The following CNBD1 variants were observed in gnomAD, a reference collection of about 807,000 sequenced individuals.
The protein encoded by CNBD1 is cyclic nucleotide binding domain containing 1, also known as cyclic nucleotide-binding domain-containing protein 1.
A neutral mutation model predicts 54.4 loss-of-function variants in CNBD1; 71 were observed. That is an observed-to-expected ratio of 1.30 (90% confidence interval 1.08 to 1.59). The LOEUF (loss-of-function observed/expected upper bound fraction) is 1.59, where lower values mean the gene tolerates loss of function less well. Ranked by LOEUF, CNBD1 falls within the 40% of genes most tolerant of loss-of-function variation. CNBD1 has a pLI of 0.00. For synonymous variants in CNBD1, 182 were observed against 170.7 expected, an observed-to-expected ratio of 1.07 and a Z score of -0.51; for missense variants, 659 against 518.0, an observed-to-expected ratio of 1.27 and a Z score of -2.64.
chr8:87,112,970 A>G (rs1811695084), intron 4 of CNBD1, among the ~76,000 whole-genome samples: 2 of 152,170 alleles, frequency 1.3e-5, no homozygotes, highest in Non-Finnish European at 2.9e-5. Context: ...ATGGGGGAAG[A>G]AGCTAGGACA....
At chr8:87,354,318 T>A (rs1810374596) in intron 10 of CNBD1, among the ~76,000 whole-genome samples, 1 of 152,148 alleles carries the variant, frequency 6.6e-6, no homozygotes, top group Non-Finnish European at 1.5e-5. Context: ...GAAATATTTA[T>A]GGTAAGCATT....
chr8:87,010,854 A>G (rs1236591793), intron 4 of CNBD1, among the ~76,000 whole-genome samples: 2 of 152,130 alleles, frequency 1.3e-5, no homozygotes, highest in Admixed American at 6.5e-5. Context: ...GAAACTTCCA[A>G]TGTCTGATTT....
chr8:86,969,161 TC>T (rs1254311602), intron 4 of CNBD1, among the ~76,000 whole-genome samples: 1 of 152,204 alleles, frequency 6.6e-6, no homozygotes, highest in Non-Finnish European at 1.5e-5. Flanking sequence ...CTGTTTTTTT[TC>T]TCTGCATTTT....
chr8:87,142,563 C>T (rs1812391835), intron 4 of CNBD1, among the ~76,000 whole-genome samples: 1 of 151,954 alleles, frequency 6.6e-6, no homozygotes, highest in Non-Finnish European at 1.5e-5. Context: ...AGAAATAAAA[C>T]ATAAAACATA....
chr8:87,293,603 C>T (rs983004441), intron 8 of CNBD1, among the ~76,000 whole-genome samples: 7 of 152,072 alleles, frequency 4.6e-5, no homozygotes, highest in African/African-American at 1.7e-4. Flanking sequence ...CACTGTACTC[C>T]TTACTATGTA....
At chr8:87,411,391 CTATATCATATATATATATATATA>C (rs1807738876) in intron 2 of CNBD1, among the ~76,000 whole-genome samples, 1 of 44,992 alleles carries the variant, frequency 2.2e-5, no homozygotes, top group South Asian at 9.6e-4. Flanking sequence ...ATTAACCTAG[CTATATCATATATATATATATATA>C]TATATATATA....
At position 87,092,469 on chromosome 8, in the gene CNBD1, G is replaced by A. The variant is rs144603291; in HGVS notation, c.432-113524G>A. 3.2e-3 allele frequency among the ~76,000 whole-genome samples: 467 copies of A among 144,830 alleles called. 10 individuals carry two copies. Among genetic ancestry groups the A allele is most frequent in the African/African-American group, 0.011 (434 of 38,534 alleles). ...TATATATACACATATGTGTGTGTGT[G>A]TATATATATACACATATGTGTGTGT... On this transcript the variant is annotated intron_variant, in intron 4 of 10. Coordinates refer to ENST00000518476, the MANE Select transcript of CNBD1 (RefSeq NM_173538.3).
At chr8:87,343,393 G>A (rs1196162774) in intron 8 of CNBD1, among the ~76,000 whole-genome samples, 1 of 152,186 alleles carries the variant, frequency 6.6e-6, no homozygotes, top group Non-Finnish European at 1.5e-5. Context: ...AGTGATTAAA[G>A]ACAGGCGTAA....
intron 1 of CNBD1, among the ~76,000 whole-genome samples, chr8:86,880,136 A>C (rs950233291): frequency 9.9e-5 from 15 of 152,136 alleles, no homozygotes; most frequent in African/African-American, 2.9e-4. Context: ...AGATTCAAAG[A>C]GAACCTGAAA....
At chr8:87,150,224 G>T (rs140564020) in intron 4 of CNBD1, among the ~76,000 whole-genome samples, 126 of 152,044 alleles carry the variant, frequency 8.3e-4, no homozygotes, top group African/African-American at 2.8e-3. Flanking sequence ...AAACAGCTTT[G>T]TAGGATGGAA....
At chr8:87,055,131 T>G (rs1789038572) in intron 4 of CNBD1, among the ~76,000 whole-genome samples, 1 of 152,190 alleles carries the variant, frequency 6.6e-6, no homozygotes, top group Non-Finnish European at 1.5e-5. Flanking sequence ...TGTGGTCTCA[T>G]GACTAAGAAA....
intron 4 of CNBD1, among the ~76,000 whole-genome samples, chr8:86,947,037 A>G (rs1474303453): frequency 6.6e-6 from 1 of 152,146 alleles, no homozygotes; most frequent in East Asian, 1.9e-4. Flanking sequence ...AAGTCATACA[A>G]TATCTAGAAA....
intron 4 of CNBD1, among the ~76,000 whole-genome samples, chr8:87,045,815 G>A (rs990534928): frequency 6.6e-6 from 1 of 151,532 alleles, no homozygotes; most frequent in Non-Finnish European, 1.5e-5. Flanking sequence ...TCCGACGTGG[G>A]CAGATCACGA....
At chr8:87,336,035 C>A (rs1809939334) in intron 8 of CNBD1, among the ~76,000 whole-genome samples, 1 of 152,172 alleles carries the variant, frequency 6.6e-6, no homozygotes, top group South Asian at 2.1e-4. Flanking sequence ...CCACTCTCTT[C>A]TGGCTTGTAG....
At chr8:87,385,928 G>T (rs181884953), downstream of CNBD1, among the ~76,000 whole-genome samples, 1 of 152,088 alleles carries the variant, frequency 6.6e-6, no homozygotes, top group African/African-American at 2.4e-5. Context: ...ATTTCCAGAG[G>T]AACTATCAGG....
At chr8:86,882,208 C>T (rs1324848370) in intron 1 of CNBD1, among the ~76,000 whole-genome samples, 1 of 151,978 alleles carries the variant, frequency 6.6e-6, no homozygotes, top group African/African-American at 2.4e-5. Context: ...TTCTTCACAG[C>T]AAAAGAAACT....
chr8:87,196,274 T>A (rs1326229988), intron 4 of CNBD1, among the ~76,000 whole-genome samples: 2 of 152,190 alleles, frequency 1.3e-5, no homozygotes, highest in Non-Finnish European at 2.9e-5. Context: ...TCAGAAGATA[T>A]GATATTTTTA....
chr8:86,958,271 G>C (rs61207511), intron 4 of CNBD1, among the ~76,000 whole-genome samples: 1 of 152,042 alleles, frequency 6.6e-6, no homozygotes, highest in Admixed American at 6.6e-5. Context: ...TTTTGGAATA[G>C]GTCAGATGTG....
At chr8:87,349,530 C>A (rs1319125327) in intron 8 of CNBD1, among the ~76,000 whole-genome samples, 1 of 152,136 alleles carries the variant, frequency 6.6e-6, no homozygotes, top group Non-Finnish European at 1.5e-5. Flanking sequence ...TGCGCGCCAC[C>A]AGGCCCAACT....
Sources: allele counts gnomAD v4.1 joint callset (sites outside exome capture counted in the v4.1 genomes callset), GRCh38; gene constraint gnomAD v4.1.1; transcripts MANE v1.5; gene names NCBI Gene and HGNC (gene_info 2026-07-23, HGNC 2026-07-21).